Variants in SLC15A5 observed in about 807,000 individuals in gnomAD.
SLC15A5 encodes solute carrier family 15 member 5, also known as Peptide/histidine transporter ENSP00000340402.
A neutral mutation model predicts 56.1 loss-of-function variants in SLC15A5; 58 were observed. The ratio of observed to expected loss-of-function variants is 1.03; its 90% CI spans 0.84 to 1.29. The LOEUF is 1.29. Ranked by LOEUF, SLC15A5 falls within the 50% of genes most tolerant of loss-of-function variation. The pLI is 0.00. For missense variants in SLC15A5, 681 were observed against 672.1 expected (o/e 1.01, Z -0.15); for synonymous variants, 264 against 250.5 (o/e 1.05, Z -0.51).
In SLC15A5 at chr12:16,247,181, G is replaced by T. The variant is rs529290782; in HGVS notation, c.755-2381C>A. Among the ~76,000 whole-genome samples the T allele has an allele frequency of 8.5e-5, 13 of 152,260 alleles. No homozygotes were observed. The South Asian group carries it at 2.7e-3, about 32-fold the overall frequency. ...TGCTTTATGTGAAGCACTGGCTTCA[G>T]TTGAATATGTACTTTGAAAAATGAA... is the stretch of plus-strand genomic sequence containing the variant. On this transcript the variant is annotated intron_variant, in intron 3 of 8. Coordinates refer to ENST00000344941, the MANE Select transcript of SLC15A5 (RefSeq NM_001170798.1).
rs757302152 is a variant in SLC15A5 at position 16,272,797 on chromosome 12, A to G, written c.362-14T>C. ...ACAAAGCAGTGCCTGTAGGTGGAGA[A>G]AAAAAAAGAGTAAATGTAGCATAGA... On this transcript the variant is annotated splice_polypyrimidine_tract_variant and intron_variant, in intron 1 of 8. Coordinates refer to ENST00000344941, the MANE Select transcript of SLC15A5 (RefSeq NM_001170798.1). The G allele has an allele frequency of 1.3e-6, 2 of 1,532,228 alleles. No individual in the cohort carries two copies. The highest frequency in any genetic ancestry group is 1.8e-6 in the Non-Finnish European group (2 of 1,142,582). The allele number at this position is 1,532,228 out of a possible 1,614,324, so 94.9% of individuals were successfully genotyped here.
chr12:16,273,074 T>G (rs1220588961), intron 1 of SLC15A5, among the ~76,000 whole-genome samples: 1 of 152,062 alleles, frequency 6.6e-6, no homozygotes, highest in Non-Finnish European at 1.5e-5. Flanking sequence ...TTTGCCAAAA[T>G]TAAAATAACT....
intron 5 of SLC15A5, 27 bp downstream of exon 5, chr12:16,239,654 C>T (rs757878824): frequency 1.0e-5 from 16 of 1,525,450 alleles, no homozygotes; most frequent in Middle Eastern, 1.7e-4. Flanking sequence ...TCAAACGATT[C>T]GCATGAAATG....
intron 8 of SLC15A5, 74 bp downstream of exon 8, chr12:16,194,271 C>A: frequency 1.1e-6 from 1 of 888,102 alleles, no homozygotes; most frequent in South Asian, 1.8e-5. Context: ...ACAGAATTCC[C>A]TGGCTCAGTG....
chr12:16,229,556 G>A (rs531068282), intron 5 of SLC15A5, among the ~76,000 whole-genome samples: 3 of 151,528 alleles, frequency 2.0e-5, no homozygotes, highest in Admixed American at 1.3e-4. Flanking sequence ...TTCATTGGAA[G>A]ATTCACAAGA....
chr12:16,260,277 A>G (rs1381086397), intron 2 of SLC15A5, among the ~76,000 whole-genome samples: 1 of 152,036 alleles, frequency 6.6e-6, no homozygotes, highest in East Asian at 1.9e-4. Context: ...AGGTTTTTCC[A>G]TAGCCCCACT....
Position 16,277,384 on chromosome 12 carries a change from G to C in SLC15A5, c.302C>G (p.Thr101Ser). The change falls in exon 1 of 9, where the codon ACT (threonine) becomes AGT (serine). Residue 101 changes from threonine to serine, a missense_variant. Coordinates refer to ENST00000344941, the MANE Select transcript of SLC15A5 (RefSeq NM_001170798.1). ...TTTGTTTCTTCCTAAATAGACATCA[G>C]TGAGCCATCTGACAAACACAGGGGT... ...ILTPVFVRWL[T>S]DVYLGRNKLV... 1 of 1,536,202 alleles carries C rather than the reference G, an allele frequency of 6.5e-7. No individual in the cohort carries two copies. The highest frequency in any genetic ancestry group is 1.2e-5 in the South Asian group (1 of 83,988).
At position 16,269,289 on chromosome 12, in the gene SLC15A5, C is replaced by A. The variant is rs1429500659; in HGVS notation, c.584+3272G>T. On this transcript the variant is annotated intron_variant, in intron 2 of 8. Transcript: ENST00000344941. The surrounding 1 kb of genome is among the most constrained non-coding windows in gnomAD (Gnocchi z 4.7). Reference sequence around the variant, plus strand: ...CCTGGGAAACATTTTCAACAAGGTTCTCAAGTGATAATTAAAATGAGCAAC... The same window carrying A: ...CCTGGGAAACATTTTCAACAAGGTTATCAAGTGATAATTAAAATGAGCAAC... Among the ~76,000 whole-genome samples the A allele has an allele frequency of 6.6e-6, 1 of 152,148 alleles. No individual in the cohort carries two copies. Among genetic ancestry groups the A allele is most frequent in the Non-Finnish European group, 1.5e-5 (1 of 68,032 alleles).
In SLC15A5 at chr12:16,189,657, C is replaced by A. The variant is rs1167370391; in HGVS notation, c.*11G>T. On this transcript the variant is annotated 3_prime_UTR_variant, in exon 9 of 9. Transcript: ENST00000344941. ...ACTGTTCTCATAAGACAGGTAGACT[C>A]AAACACAGTTTCATAGGGCTGTCTC... The A allele has an allele frequency of 5.4e-6, 8 of 1,480,686 alleles. No homozygotes were observed. The highest frequency in any genetic ancestry group is 1.4e-5 in the South Asian group (1 of 72,968). 91.7% of individuals were successfully genotyped at this position (1,480,686 alleles called of 1,614,324 possible).
At chr12:16,231,655 G>A (rs1864301033) in intron 5 of SLC15A5, among the ~76,000 whole-genome samples, 2 of 152,226 alleles carry the variant, frequency 1.3e-5, no homozygotes, top group Admixed American at 6.5e-5. Flanking sequence ...GAAACAAGGT[G>A]AGTATGTGTT....
chr12:16,263,754 G>C (rs1201632242), intron 2 of SLC15A5, among the ~76,000 whole-genome samples: 1 of 152,124 alleles, frequency 6.6e-6, no homozygotes, highest in African/African-American at 2.4e-5. Flanking sequence ...TAACTAAAAG[G>C]GGCCAAGGTA....
At chr12:16,255,444 CTTTG>C (rs1259123363) in intron 3 of SLC15A5, among the ~76,000 whole-genome samples, 9 of 152,154 alleles carry the variant, frequency 5.9e-5, no homozygotes, top group Admixed American at 1.3e-4. Flanking sequence ...TGACAATATA[CTTTG>C]TTTGAGAGGC....
intron 3 of SLC15A5, among the ~76,000 whole-genome samples, chr12:16,246,918 T>A (rs1334518123): frequency 2.0e-5 from 3 of 152,120 alleles, no homozygotes; most frequent in African/African-American, 7.2e-5. Flanking sequence ...AATGAGTTTT[T>A]AAAAAAATAT....
At position 16,229,995 on chromosome 12, in the gene SLC15A5, A is replaced by G. The variant is rs185742085; in HGVS notation, c.1163-5393T>C. Among the ~76,000 whole-genome samples the G allele has an allele frequency of 4.3e-3, 650 of 152,262 alleles. 2 individuals carry two copies. Among genetic ancestry groups the G allele is most frequent in the Non-Finnish European group, 5.1e-3 (346 of 68,008 alleles). Reference sequence around the variant, plus strand: ...ATGTGAAAGGCTTAGTCATGTTTGTATAGATGGAAGAGGAGTCAATGGAGA... The same window carrying G: ...ATGTGAAAGGCTTAGTCATGTTTGTGTAGATGGAAGAGGAGTCAATGGAGA... On this transcript the variant is annotated intron_variant, in intron 5 of 8. Coordinates refer to ENST00000344941, the MANE Select transcript of SLC15A5 (RefSeq NM_001170798.1).
chr12:16,257,641 G>T (rs1479198314), intron 3 of SLC15A5, 60 bp downstream of exon 3: 7 of 1,234,560 alleles, frequency 5.7e-6, no homozygotes, highest in African/African-American at 1.6e-5. Flanking sequence ...CAAAGAGAAA[G>T]GATATCTGTC....
At chr12:16,264,402 C>A (rs1284026445) in intron 2 of SLC15A5, among the ~76,000 whole-genome samples, 1 of 152,156 alleles carries the variant, frequency 6.6e-6, no homozygotes, top group Non-Finnish European at 1.5e-5. Flanking sequence ...TAGGAAGTAA[C>A]TAAATTGTTT....
intron 6 of SLC15A5, among the ~76,000 whole-genome samples, chr12:16,223,488 T>A: frequency 6.6e-6 from 1 of 152,180 alleles, no homozygotes; most frequent in Non-Finnish European, 1.5e-5. Context: ...TGATAAATTG[T>A]AAAGTGGCTA....
Position 16,267,956 on chromosome 12 carries a change from G to A in SLC15A5, c.584+4605C>T, listed in dbSNP as rs763986550. 1.8e-5 allele frequency among the ~76,000 whole-genome samples: 2 copies of A among 112,018 alleles called. 1 individual carries two copies. Among genetic ancestry groups the A allele is most frequent in the African/African-American group, 7.0e-5 (2 of 28,406 alleles). The allele number at this position is 112,018 out of a possible 152,430, so 73.5% of individuals were successfully genotyped here. A position where few individuals can be genotyped will look rare whatever the true frequency, so the allele number is the denominator to read the frequency against. On this transcript the variant is annotated intron_variant, in intron 2 of 8. Coordinates refer to ENST00000344941, the MANE Select transcript of SLC15A5 (RefSeq NM_001170798.1). Reference sequence around the variant, plus strand: ...AGATGGGGTTACTCAGGCTTGTCTCGAACCCCTGGCCTTGAGTGATCCTCC... The same window carrying A: ...AGATGGGGTTACTCAGGCTTGTCTCAAACCCCTGGCCTTGAGTGATCCTCC...
At chr12:16,192,417 C>T (rs1447061862) in intron 8 of SLC15A5, among the ~76,000 whole-genome samples, 1 of 151,964 alleles carries the variant, frequency 6.6e-6, no homozygotes, top group Non-Finnish European at 1.5e-5. Flanking sequence ...TTGGTTCCTC[C>T]AATCTCTGGT....
Sources: allele counts gnomAD v4.1 joint callset (sites outside exome capture counted in the v4.1 genomes callset), GRCh38; gene constraint gnomAD v4.1.1; non-coding constraint Gnocchi (gnomAD v3.1); transcripts MANE v1.5; gene names NCBI Gene and HGNC (gene_info 2026-07-23, HGNC 2026-07-21).